Variants in RBFOX1 observed in about 807,000 individuals in gnomAD.
The protein encoded by RBFOX1 is RNA binding protein fox-1 homolog 1.
Under a neutral mutation model 57.7 loss-of-function variants are expected in RBFOX1, and 8 were observed. The ratio of observed to expected loss-of-function variants is 0.14; its 90% confidence interval spans 0.08 to 0.25. The LOEUF (loss-of-function observed/expected upper bound fraction) is 0.25, where lower values mean the gene tolerates loss of function less well. RBFOX1 is among the 10% of genes least tolerant of loss of function. The probability of loss-of-function intolerance (pLI) is 1.00; values close to 1 mark genes in which losing one functional copy is unlikely to be tolerated. For synonymous variants in RBFOX1, 326 were observed against 222.4 expected, an observed-to-expected ratio of 1.47 and a Z score of -4.15; for missense variants, 611 against 548.5, an observed-to-expected ratio of 1.11 and a Z score of -1.14.
At position 6,057,079 on chromosome 16, in the gene RBFOX1, G is replaced by GA. The variant is rs929552261; in HGVS notation, c.-127+37087_-127+37088insA. The GA allele has an allele frequency of 1.5e-4, 20 of 136,134 alleles. No homozygotes were observed. The East Asian group carries it at 4.2e-3, about 29-fold the overall frequency. The allele number at this position is 136,134 out of a possible 1,614,324, so 8.4% of individuals were successfully genotyped here. A position where few individuals can be genotyped will look rare whatever the true frequency, so the allele number is the denominator to read the frequency against. On this transcript the variant is annotated intron_variant, in intron 1 of 15. Transcript: ENST00000550418. Reference sequence around the variant, plus strand: ...CTGAAATTTCCCGGAGAACACAGGAGGGGGGGGAATATTGCAATAAATCAA... The same window carrying GA: ...CTGAAATTTCCCGGAGAACACAGGAGAGGGGGGGAATATTGCAATAAATCAA...
chr16:5,793,241 C>A (rs965021628), intron 3 of RBFOX1, among the ~76,000 whole-genome samples: 1 of 152,242 alleles, frequency 6.6e-6, no homozygotes, highest in Non-Finnish European at 1.5e-5. Context: ...TGACCGGCTC[C>A]TTTTGCCCAC....
chr16:5,427,724 C>T (rs921996202), intron 1 of RBFOX1, among the ~76,000 whole-genome samples: 5 of 152,216 alleles, frequency 3.3e-5, no homozygotes, highest in Non-Finnish European at 5.9e-5. Flanking sequence ...TTTCCTCTTG[C>T]TCCCGAGAGG....
At chr16:6,948,016 C>T (rs1385733689) in intron 3 of RBFOX1, among the ~76,000 whole-genome samples, 1 of 152,122 alleles carries the variant, frequency 6.6e-6, no homozygotes, top group Non-Finnish European at 1.5e-5. Flanking sequence ...TGACCTAAAG[C>T]AGTCCAGCTG....
chr16:6,584,363 T>C (rs2097577195), intron 2 of RBFOX1, among the ~76,000 whole-genome samples: 1 of 147,428 alleles, frequency 6.8e-6, no homozygotes, highest in African/African-American at 2.5e-5. Flanking sequence ...ATTATTATTA[T>C]TATTATTATT....
At chr16:7,024,228 A>C (rs80161730) in intron 3 of RBFOX1, among the ~76,000 whole-genome samples, 175 of 152,244 alleles carry the variant, frequency 1.1e-3, no homozygotes, top group South Asian at 2.1e-3. Context: ...CAGCATTGGC[A>C]CTCATATCGT....
At chr16:7,302,882 G>C (rs1008182686) in intron 4 of RBFOX1, among the ~76,000 whole-genome samples, 77 of 152,116 alleles carry the variant, frequency 5.1e-4, no homozygotes, top group African/African-American at 1.6e-3. Flanking sequence ...TAAAATAAAG[G>C]GGAGGGGAGA....
Position 6,603,072 on chromosome 16 carries a change from C to CA in RBFOX1, c.-63-51524dup, listed in dbSNP as rs149458683. Among the ~76,000 whole-genome samples the CA allele has an allele frequency of 6.1e-3, 931 of 152,178 alleles. 10 individuals carry two copies. Among genetic ancestry groups the CA allele is most frequent in the Non-Finnish European group, 8.5e-3 (579 of 67,984 alleles). On this transcript the variant is annotated intron_variant, in intron 2 of 15. Coordinates refer to ENST00000550418, the MANE Select transcript of RBFOX1 (RefSeq NM_018723.4). The stretch of plus-strand genomic sequence containing the variant: ...CATTGTCTACTCTTCATCCTAGTAG[C>CA]AAAAAAATAAAATTTGCAAGTGGAA...
intron 3 of RBFOX1, among the ~76,000 whole-genome samples, chr16:6,917,624 C>G (rs901730334): frequency 1.3e-5 from 2 of 152,170 alleles, no homozygotes; most frequent in Admixed American, 6.5e-5. Context: ...GCCTTCTACA[C>G]CGAAGTGGGA....
At chr16:7,622,462 G>T (rs971203512) in intron 10 of RBFOX1, among the ~76,000 whole-genome samples, 5 of 152,176 alleles carry the variant, frequency 3.3e-5, no homozygotes, top group African/African-American at 4.8e-5. Flanking sequence ...CATTTTGGCT[G>T]CAGGAGATTA....
chr16:7,420,054 C>A (rs1375240962), intron 4 of RBFOX1, among the ~76,000 whole-genome samples: 2 of 151,344 alleles, frequency 1.3e-5, no homozygotes, highest in Non-Finnish European at 2.9e-5. Context: ...CTTTTCATAG[C>A]CTTTAAAGTA....
intron 4 of RBFOX1, among the ~76,000 whole-genome samples, chr16:7,212,833 A>C (rs72636227): frequency 0.15 from 23,520 of 152,214 alleles, 2,185 homozygotes; most frequent in East Asian, 0.4. Flanking sequence ...AACTTAGAGT[A>C]AAATCAAAAA....
chr16:6,290,404 G>A (rs1329371165), intron 1 of RBFOX1, among the ~76,000 whole-genome samples: 1 of 150,954 alleles, frequency 6.6e-6, no homozygotes, highest in African/African-American at 2.4e-5. Flanking sequence ...GAGGAGGAGG[G>A]GTATGTAGCT....
intron 2 of RBFOX1, among the ~76,000 whole-genome samples, chr16:6,548,959 C>G (rs558133928): frequency 6.0e-5 from 9 of 150,822 alleles, no homozygotes; most frequent in Admixed American, 2.6e-4. Flanking sequence ...CCTGTAATCC[C>G]AGGTACTCAA....
chr16:6,779,756 TATATATTTATA>T (rs1567207693), intron 3 of RBFOX1, among the ~76,000 whole-genome samples: 10 of 18,080 alleles, frequency 5.5e-4, no homozygotes, highest in African/African-American at 1.8e-3. Context: ...TATATACTTT[TATATATTTATA>T]TATATATTTA....
At chr16:6,385,513 C>T (rs1345333407) in intron 2 of RBFOX1, among the ~76,000 whole-genome samples, 1 of 152,202 alleles carries the variant, frequency 6.6e-6, no homozygotes, top group African/African-American at 2.4e-5. Context: ...GCATGCACCA[C>T]CACACCCGGA....
At chr16:6,502,975 T>C (rs1176631019) in intron 2 of RBFOX1, among the ~76,000 whole-genome samples, 1 of 152,068 alleles carries the variant, frequency 6.6e-6, no homozygotes, top group Non-Finnish European at 1.5e-5. Context: ...GAAGATAATA[T>C]CGACTCAGCT....
intron 2 of RBFOX1, among the ~76,000 whole-genome samples, chr16:5,506,608 C>T (rs12932771): frequency 0.093 from 14,120 of 152,188 alleles, 816 homozygotes; most frequent in African/African-American, 0.15. Flanking sequence ...ATAAATTAAA[C>T]CTATTAATCA....
chr16:6,410,396 C>G (rs1043925018), intron 2 of RBFOX1, among the ~76,000 whole-genome samples: 1 of 149,274 alleles, frequency 6.7e-6, no homozygotes, highest in African/African-American at 2.5e-5. Flanking sequence ...ACTGCAAGCT[C>G]CACCTTCTGG....
At chr16:6,908,302 C>T (rs545059162) in intron 3 of RBFOX1, among the ~76,000 whole-genome samples, 11 of 151,858 alleles carry the variant, frequency 7.2e-5, no homozygotes, top group Admixed American at 7.2e-4. Context: ...GCACCCCCAG[C>T]CTCTGACCAT....
Sources: gnomAD v4.1 joint callset for allele counts (sites outside exome capture counted in the v4.1 genomes callset) on GRCh38, gnomAD v4.1.1 for gene constraint, MANE v1.5 for transcripts, NCBI Gene and HGNC (gene_info 2026-07-23, HGNC 2026-07-21) for gene names.